WBP1L: variants seen among roughly 807,000 people sequenced by gnomAD.
The protein encoded by WBP1L is WW domain binding protein 1-like.
WBP1L carries 17 observed loss-of-function variants against 33.7 expected under a neutral mutation model. That is an observed-to-expected ratio of 0.50 (90% CI 0.34 to 0.76). WBP1L has a LOEUF of 0.76. Among genes scored for constraint, WBP1L ranks in the 30% least tolerant of loss-of-function variants. The pLI is 0.01. For missense variants in WBP1L, 389 were observed against 469.4 expected (o/e 0.83, Z 1.58); for synonymous variants, 173 against 190.8 (o/e 0.91, Z 0.77).
rs556403181 is a variant in WBP1L, at chr10:102,794,342, G to A, written c.91-3651G>A. Among the ~76,000 whole-genome samples the A allele has an allele frequency of 5.3e-5, 8 of 152,264 alleles. 1 individual carries two copies. Among genetic ancestry groups the A allele is most frequent in the African/African-American group, 1.9e-4 (8 of 41,536 alleles). On this transcript the variant is annotated intron_variant, in intron 1 of 3. Transcript: ENST00000448841. ...AAAGTTGAAGGAGACGGCTGGGCGT[G>A]GTGGCTCACGCCTGTAATCCCAGCT... is the stretch of plus-strand genomic sequence containing the variant.
At chr10:102,782,875 T>C (rs1843358028) in intron 1 of WBP1L, among the ~76,000 whole-genome samples, 1 of 152,150 alleles carries the variant, frequency 6.6e-6, no homozygotes, top group Non-Finnish European at 1.5e-5. Flanking sequence ...CACATAAGAC[T>C]TCGGTTTCCT....
intron 1 of WBP1L, among the ~76,000 whole-genome samples, chr10:102,750,896 C>T (rs1375305756): frequency 2.0e-5 from 3 of 152,134 alleles, no homozygotes; most frequent in Non-Finnish European, 4.4e-5. Flanking sequence ...CCTTAGTGAC[C>T]ACTGATCTAC....
intron 1 of WBP1L, among the ~76,000 whole-genome samples, chr10:102,766,365 C>T (rs1009968120): frequency 6.9e-6 from 1 of 143,954 alleles, no homozygotes; most frequent in Non-Finnish European, 1.5e-5. Context: ...TTCTTGAACC[C>T]GGGAGGCGGA....
chr10:102,749,337 C>T (rs887546224), intron 1 of WBP1L, among the ~76,000 whole-genome samples: 5 of 152,124 alleles, frequency 3.3e-5, no homozygotes, highest in Non-Finnish European at 7.4e-5. Context: ...GTGGTGTAGT[C>T]GTAGCTCACT....
intron 1 of WBP1L, among the ~76,000 whole-genome samples, chr10:102,774,126 A>G (rs865777002): frequency 3.9e-5 from 6 of 151,928 alleles, no homozygotes; most frequent in Admixed American, 3.9e-4. Flanking sequence ...TGCTGTTTCC[A>G]TCAGTTTGAT....
intron 1 of WBP1L, among the ~76,000 whole-genome samples, chr10:102,792,424 G>T (rs1843512462): frequency 6.6e-6 from 1 of 152,152 alleles, no homozygotes; most frequent in African/African-American, 2.4e-5. Context: ...TCTTTAAAAT[G>T]CAAGTATGAT....
intron 2 of WBP1L, among the ~76,000 whole-genome samples, chr10:102,805,908 T>TA (rs751950979): frequency 3.4e-4 from 51 of 149,466 alleles, no homozygotes; most frequent in Admixed American, 1.7e-3. Flanking sequence ...AAAAATAAGT[T>TA]AAAAAAAATT....
At chr10:102,774,563 T>G (rs1823794417) in intron 1 of WBP1L, among the ~76,000 whole-genome samples, 1 of 152,182 alleles carries the variant, frequency 6.6e-6, no homozygotes, top group South Asian at 2.1e-4. Flanking sequence ...ACGTTGTGTG[T>G]CTGGCTGGAT....
intron 1 of WBP1L, among the ~76,000 whole-genome samples, chr10:102,744,806 A>G (rs1842845299): frequency 6.6e-6 from 1 of 152,198 alleles, no homozygotes; most frequent in African/African-American, 2.4e-5. Flanking sequence ...AGAGCAAGTC[A>G]CGGATGCTGA....
chr10:102,750,731 G>C (rs1334214549), intron 1 of WBP1L, among the ~76,000 whole-genome samples: 3 of 151,860 alleles, frequency 2.0e-5, no homozygotes, highest in African/African-American at 7.3e-5. Context: ...TCGATCTCCT[G>C]ACCTTGTGAT....
At chr10:102,776,652 C>G (rs1843268678) in intron 1 of WBP1L, among the ~76,000 whole-genome samples, 1 of 152,148 alleles carries the variant, frequency 6.6e-6, no homozygotes, top group African/African-American at 2.4e-5. Flanking sequence ...CTGACCAGTT[C>G]TGATTTTCCA....
At chr10:102,762,943 G>A (rs1843059172) in intron 1 of WBP1L, among the ~76,000 whole-genome samples, 2 of 152,182 alleles carry the variant, frequency 1.3e-5, no homozygotes, top group South Asian at 4.2e-4. Context: ...AGTGGCTCAC[G>A]CTTGTAATCC....
At chr10:102,791,387 C>G (rs531047621) in intron 1 of WBP1L, among the ~76,000 whole-genome samples, 6 of 152,324 alleles carry the variant, frequency 3.9e-5, no homozygotes, top group Admixed American at 3.3e-4. Context: ...TCCCACCCCC[C>G]GAATCTCTTG....
intron 1 of WBP1L, among the ~76,000 whole-genome samples, chr10:102,756,539 A>G (rs971876670): frequency 6.6e-6 from 1 of 152,092 alleles, no homozygotes; most frequent in African/African-American, 2.4e-5. Flanking sequence ...AAATACCTGT[A>G]TTCTGTTGCT....
chr10:102,744,014 G>A lies in WBP1L; in HGVS notation c.-40G>A. On this transcript the variant is annotated 5_prime_UTR_variant, in exon 1 of 4. Transcript: ENST00000448841. ...GGAGGAGAGGGAGGAGGAGGAGGGA[G>A]GTGGCGGCGCCGTGGCGGAGGAGCA... 1 of 1,451,868 alleles carries A rather than the reference G, an allele frequency of 6.9e-7. No homozygotes were observed. The allele number at this position is 1,451,868 out of a possible 1,614,324, so 89.9% of individuals were successfully genotyped here.
rs553063904 is a variant in WBP1L, at chr10:102,812,303, T to A, written c.356-292T>A. Among the ~76,000 whole-genome samples the A allele has an allele frequency of 6.6e-5, 10 of 152,342 alleles. No homozygotes were observed. In the South Asian group the frequency reaches 1.9e-3, roughly 28 times the overall value. On this transcript the variant is annotated intron_variant, in intron 3 of 3. Coordinates refer to ENST00000448841, the MANE Select transcript of WBP1L (RefSeq NM_001083913.2). ...GTTATTTTTTGGCCATCTACCACGT[T>A]TGCCTAATTCTCTGCCTTAACTCCC...
chr10:102,800,107 A>C (rs1034367010), intron 2 of WBP1L, among the ~76,000 whole-genome samples: 1 of 152,162 alleles, frequency 6.6e-6, no homozygotes, highest in Non-Finnish European at 1.5e-5. Flanking sequence ...TGAGAAACTT[A>C]CTAGAGGACA....
Position 102,744,118 on chromosome 10 carries a change from T to A in WBP1L, c.65T>A (p.Leu22Ter). 1.3e-6 allele frequency: 2 copies of A among 1,552,196 alleles called. No homozygotes were observed. Among genetic ancestry groups the A allele is most frequent in the Non-Finnish European group, 1.7e-6 (2 of 1,147,832 alleles). Residue 22 changes from leucine to a stop codon, truncating the protein, a stop_gained, in exon 1 of 4, where the codon TTG (leucine) becomes TAG (stop). Coordinates refer to ENST00000448841, the MANE Select transcript of WBP1L (RefSeq NM_001083913.2). LOFTEE classifies it high-confidence loss of function. ...CTCCTCCAGGCGCTGCCCAGCCCCT[T>A]GTCAGCCAGGGCTGAACCCCCGCAG... ...LLLLQALPSP[L>*]SARAEPPQDK...
intron 1 of WBP1L, among the ~76,000 whole-genome samples, chr10:102,765,675 A>G (rs1314326947): frequency 6.6e-6 from 1 of 152,212 alleles, no homozygotes; most frequent in Non-Finnish European, 1.5e-5. Context: ...TAAGTTGCTT[A>G]CTTTAGAGGA....
Sources: allele counts gnomAD v4.1 joint callset (sites outside exome capture counted in the v4.1 genomes callset), GRCh38; gene constraint gnomAD v4.1.1; transcripts MANE v1.5; gene names NCBI Gene and HGNC (gene_info 2026-07-23, HGNC 2026-07-21).